TEX11: variants seen among roughly 807,000 people sequenced by gnomAD.
TEX11 encodes testis expressed 11, also known as testis-expressed protein 11.
In TEX11, 7 loss-of-function variants were observed where a neutral mutation model predicts 84.4. The ratio of observed to expected loss-of-function variants is 0.08; its 90% confidence interval spans 0.05 to 0.16. The LOEUF (loss-of-function observed/expected upper bound fraction) is 0.16, where lower values mean the gene tolerates loss of function less well. Ranked by LOEUF, TEX11 falls within the 10% of genes least tolerant of loss-of-function variation. The pLI is 1.00. For missense variants in TEX11, 551 were observed against 660.5 expected (o/e 0.83, Z 1.82); for synonymous variants, 264 against 222.8 (o/e 1.18, Z -1.64).
intron 8 of TEX11, among the ~76,000 whole-genome samples, chrX:70,808,261 G>C (rs951236357): frequency 1.2e-4 from 13 of 108,553 alleles, no homozygotes; most frequent in Middle Eastern, 4.8e-3. Flanking sequence ...CCAGCACTTT[G>C]GGAGGCCAAG....
the TEX11 span, among the ~76,000 whole-genome samples, chrX:70,523,938 GA>G: frequency 9.0e-6 from 1 of 110,832 alleles, no homozygotes; most frequent in Non-Finnish European, 1.9e-5. Context: ...CTTTACCTAA[GA>G]ATAGCTTAAG....
intron 13 of TEX11, among the ~76,000 whole-genome samples, chrX:70,711,734 T>C (rs1360075831): frequency 9.0e-6 from 1 of 111,601 alleles, no homozygotes; most frequent in Non-Finnish European, 1.9e-5. Flanking sequence ...TCCCATTTTG[T>C]AGGTTGCCTG....
At chrX:70,596,979 C>T (rs1210433342) in intron 24 of TEX11, among the ~76,000 whole-genome samples, 1 of 111,537 alleles carries the variant, frequency 9.0e-6, no homozygotes, top group East Asian at 2.8e-4. Context: ...TAAGGGAATA[C>T]TATGAACAAC....
At chrX:70,639,344 G>A (rs943750101) in intron 17 of TEX11, among the ~76,000 whole-genome samples, 1 of 111,887 alleles carries the variant, frequency 8.9e-6, no homozygotes, top group Non-Finnish European at 1.9e-5. Flanking sequence ...GCTGGGGGAG[G>A]GGCGCCCACC....
At chrX:70,784,324 T>C (rs1482591456) in intron 9 of TEX11, among the ~76,000 whole-genome samples, 1 of 111,441 alleles carries the variant, frequency 9.0e-6, no homozygotes, top group Non-Finnish European at 1.9e-5. Flanking sequence ...TGATGGAACG[T>C]ATCTCAAAAA....
chrX:70,780,819 G>T (rs1004133142), intron 9 of TEX11, among the ~76,000 whole-genome samples: 1 of 112,388 alleles, frequency 8.9e-6, no homozygotes, highest in Non-Finnish European at 1.9e-5. Context: ...CAAGCTGGTC[G>T]GAGCCCACCG....
At chrX:70,791,315 T>A (rs751820412) in intron 9 of TEX11, among the ~76,000 whole-genome samples, 15 of 112,148 alleles carry the variant, frequency 1.3e-4, no homozygotes, top group African/African-American at 4.9e-4. Context: ...AAGACTTAAT[T>A]ATCCTAAATA....
chrX:70,557,659 A>T (rs1210627815), intron 25 of TEX11, among the ~76,000 whole-genome samples: 1 of 111,756 alleles, frequency 8.9e-6, no homozygotes, highest in Non-Finnish European at 1.9e-5. Flanking sequence ...TATCATTAAG[A>T]TGATAACACT....
chrX:70,833,672 A>C, intron 7 of TEX11, 79 bp from the exon 8 acceptor site: 2 of 790,236 alleles, frequency 2.5e-6, no homozygotes, highest in Non-Finnish European at 3.8e-6. Context: ...GCATATTTTA[A>C]CTAGTGTTTA....
chrX:70,829,308 C>T (rs1423801568), intron 8 of TEX11, among the ~76,000 whole-genome samples: 1 of 109,924 alleles, frequency 9.1e-6, no homozygotes. Context: ...ATGGTGAAAC[C>T]CCGTCTCTAC....
chrX:70,839,681 CA>C (rs1261466655), intron 7 of TEX11, among the ~76,000 whole-genome samples: 1 of 111,478 alleles, frequency 9.0e-6, no homozygotes, highest in Non-Finnish European at 1.9e-5. Flanking sequence ...TTCAGGCAAT[CA>C]AACTACTCTG....
chrX:70,633,098 C>T lies in TEX11; in HGVS notation c.1484-3363G>A, dbSNP rs958320471. ...AGTCAGTATTACTCTGATAGCAAAA[C>T]CAAAAACATTACAGGAATATAAAAC... On this transcript the variant is annotated intron_variant, in intron 17 of 29. Transcript: ENST00000374333. 3.6e-5 allele frequency among the ~76,000 whole-genome samples: 4 copies of T among 111,362 alleles called. No individual in the cohort carries two copies. In the Admixed American group the frequency reaches 3.8e-4, roughly 11 times the overall value.
intron 13 of TEX11, among the ~76,000 whole-genome samples, chrX:70,705,295 A>G (rs1214127666): frequency 4.5e-5 from 5 of 111,547 alleles, no homozygotes; most frequent in African/African-American, 1.3e-4. Flanking sequence ...TTTTGGTTCC[A>G]TATGAACTTT....
Position 70,654,969 on chromosome X carries a change from A to C in TEX11, c.1381-3417T>G, listed in dbSNP as rs753923244. ...CTGGAAAATATTAACCAAAGTGTGG[A>C]TATATTAATATCAGACAAAAATGAC... On this transcript the variant is annotated intron_variant, in intron 16 of 29. Transcript: ENST00000374333. 2.4e-4 allele frequency among the ~76,000 whole-genome samples: 26 copies of C among 110,048 alleles called. 1 individual carries two copies. Among genetic ancestry groups the C allele is most frequent in the Middle Eastern group, 4.7e-3 (1 of 212 alleles).
intron 24 of TEX11, among the ~76,000 whole-genome samples, chrX:70,599,658 T>C: frequency 1.0e-5 from 1 of 98,554 alleles, no homozygotes; most frequent in Non-Finnish European, 2.1e-5. Context: ...CTCTCAATGC[T>C]ATCCCTCCCC....
At position 70,755,477 on chromosome X, in the gene TEX11, G is replaced by A; in HGVS notation, c.693-11258C>T. ...GCTATTTGAAAATATACGGTCAGAGGAGACAAAAGAGAAAAGAATAAAAAA... is the reference window on the plus strand; with the variant it reads ...GCTATTTGAAAATATACGGTCAGAGAAGACAAAAGAGAAAAGAATAAAAAA... On this transcript the variant is annotated intron_variant, in intron 9 of 29. Coordinates refer to ENST00000374333, the MANE Select transcript of TEX11 (RefSeq NM_031276.3). 1.8e-5 allele frequency among the ~76,000 whole-genome samples: 2 copies of A among 111,497 alleles called. 1 individual carries two copies.
chrX:70,861,352 C>A (rs763424784), intron 4 of TEX11, among the ~76,000 whole-genome samples: 1 of 110,925 alleles, frequency 9.0e-6, no homozygotes, highest in Non-Finnish European at 1.9e-5. Context: ...TGAGCCACTG[C>A]GCCCGGCCTG....
chrX:70,837,519 C>T (rs12555984), intron 7 of TEX11, among the ~76,000 whole-genome samples: 1 of 109,974 alleles, frequency 9.1e-6, no homozygotes, highest in Non-Finnish European at 1.9e-5. Flanking sequence ...GCCGAGATCA[C>T]GCCATTGCAC....
chrX:70,748,742 G>A (rs772156243), intron 9 of TEX11, among the ~76,000 whole-genome samples: 11 of 95,804 alleles, frequency 1.1e-4, no homozygotes, highest in Admixed American at 3.6e-4. Flanking sequence ...GATATGCGGC[G>A]TTATTTCTGA....
Sources: gnomAD v4.1 joint callset for allele counts (sites outside exome capture counted in the v4.1 genomes callset) on GRCh38, gnomAD v4.1.1 for gene constraint, MANE v1.5 for transcripts, NCBI Gene and HGNC (gene_info 2026-07-23, HGNC 2026-07-21) for gene names.